BCHE: variants seen among roughly 807,000 people sequenced by gnomAD.
The protein encoded by BCHE is cholinesterase.
A neutral mutation model predicts 51.3 loss-of-function variants in BCHE; 48 were observed. The ratio of observed to expected loss-of-function variants is 0.94; its 90% CI spans 0.74 to 1.19. The LOEUF (loss-of-function observed/expected upper bound fraction) is 1.19. BCHE is among the 50% of genes most tolerant of loss of function. The pLI is 0.00. For missense variants in BCHE, 847 were observed against 708.2 expected, an observed-to-expected ratio of 1.20 and a Z score of -2.23; for synonymous variants, 251 against 238.0, an observed-to-expected ratio of 1.05 and a Z score of -0.50.
chr3:165,783,601 T>G (rs1712799834), intron 3 of BCHE, among the ~76,000 whole-genome samples: 1 of 152,086 alleles, frequency 6.6e-6, no homozygotes, highest in Non-Finnish European at 1.5e-5. Flanking sequence ...TGCTTTTTAG[T>G]GTTGGCAAGC....
Position 165,829,925 on chromosome 3 carries a change from T to C in BCHE, c.1109A>G (p.Asn370Ser), listed in dbSNP as rs763806377. The change falls in exon 2 of 4, where the codon AAT becomes AGT. Residue 370 changes from asparagine (N) to serine (S), a missense_variant. Asn to Ser is a conservative substitution (Grantham distance 46, BLOSUM62 1). Transcript: ENST00000264381. ...AAATTCTTTTCTAGTTATGATACTA[T>C]TGTTATCTTTGCTGAAGCCAGGAGC... Reference protein sequence around the residue: ...YGAPGFSKDNNSIITRKEFQE... With the variant: ...YGAPGFSKDNSSIITRKEFQE... 7 of 1,613,480 alleles carry C rather than the reference T, an allele frequency of 4.3e-6. No individual in the cohort carries two copies. The highest frequency in any genetic ancestry group is 1.7e-5 in the Admixed American group (1 of 59,818).
At chr3:165,786,056 T>C in intron 3 of BCHE, 89 bp downstream of exon 3, 2 of 1,368,574 alleles carry the variant, frequency 1.5e-6, no homozygotes, top group Admixed American at 1.7e-5. Context: ...ATATAGTAAC[T>C]CCATCACCGT....
Position 165,829,505 on chromosome 3 carries a change from A to C in BCHE, c.1517+12T>G. The C allele has an allele frequency of 1.2e-6, 2 of 1,606,034 alleles. No individual in the cohort carries two copies. Among genetic ancestry groups the C allele is most frequent in the Non-Finnish European group, 8.5e-7 (1 of 1,172,806 alleles). ...ACCAAGCCAGAGAACAATGACAAAA[A>C]TCAGCACTTACCCATATTTTGCAAA... On this transcript the variant is annotated intron_variant, in intron 2 of 3. Transcript: ENST00000264381.
chr3:165,792,381 A>C (rs531692555), intron 2 of BCHE, among the ~76,000 whole-genome samples: 2 of 152,326 alleles, frequency 1.3e-5, no homozygotes, highest in South Asian at 4.1e-4. Flanking sequence ...AGAATAAAAA[A>C]TCTTTGATTA....
Position 165,829,563 on chromosome 3 carries a change from A to G in BCHE, c.1471T>C (p.Leu491=). The G allele has an allele frequency of 6.2e-7, 1 of 1,613,790 alleles. No individual in the cohort carries two copies. Among genetic ancestry groups the G allele is most frequent in the East Asian group, 2.2e-5 (1 of 44,862 alleles). Residue 491 remains leucine, a synonymous_variant, in exon 2 of 4, where the codon TTG becomes CTG. Transcript: ENST00000264381. ...RDNYTKAEEI[L]SRSIVKRWAN... is the part of the protein sequence containing the mutation. Reference sequence around the variant, plus strand: ...CACCGTTTCACTATGGATCTACTCAAAATTTCCTCGGCTTTTGTGTAATTA... The same window carrying G: ...CACCGTTTCACTATGGATCTACTCAGAATTTCCTCGGCTTTTGTGTAATTA...
chr3:165,833,580 G>A (rs1459702439), intron 1 of BCHE, among the ~76,000 whole-genome samples: 2 of 152,108 alleles, frequency 1.3e-5, no homozygotes, highest in Non-Finnish European at 2.9e-5. Context: ...TTGTATGACT[G>A]TATCATAAAT....
At chr3:165,792,637 T>C (rs1713214161) in intron 2 of BCHE, among the ~76,000 whole-genome samples, 1 of 152,206 alleles carries the variant, frequency 6.6e-6, no homozygotes, top group African/African-American at 2.4e-5. Context: ...GAAATTATTT[T>C]GGTCAAAGGT....
At chr3:165,818,503 T>C (rs940039149) in intron 2 of BCHE, among the ~76,000 whole-genome samples, 2 of 152,082 alleles carry the variant, frequency 1.3e-5, no homozygotes, top group African/African-American at 4.8e-5. Context: ...TAAAGACAAA[T>C]GTTAGTTGTG....
At position 165,791,452 on chromosome 3, in the gene BCHE, C is replaced by A. The variant is rs534404492; in HGVS notation, c.1518-5141G>T. Among the ~76,000 whole-genome samples, 33 of 152,086 alleles carry A rather than the reference C, an allele frequency of 2.2e-4. 1 individual carries two copies. Among genetic ancestry groups the A allele is most frequent in the Non-Finnish European group, 4.1e-4 (28 of 68,018 alleles). ...AAGTGTTGGTTGCTTGAACTAGAGA[C>A]GTAGTGGCAGAAATTGAAATAATTA... On this transcript the variant is annotated intron_variant, in intron 2 of 3. Transcript: ENST00000264381.
At chr3:165,785,954 T>C (rs1274830347) in intron 3 of BCHE, among the ~76,000 whole-genome samples, 191 bp downstream of exon 3, 3 of 151,642 alleles carry the variant, frequency 2.0e-5, no homozygotes, top group Non-Finnish European at 3.0e-5. Flanking sequence ...ACTGGTCATA[T>C]AGTAAGAGTT....
chr3:165,817,795 G>A (rs1714367532), intron 2 of BCHE, among the ~76,000 whole-genome samples: 1 of 151,966 alleles, frequency 6.6e-6, no homozygotes, highest in African/African-American at 2.4e-5. Context: ...CATGCATCAA[G>A]CATTATTGAG....
intron 3 of BCHE, among the ~76,000 whole-genome samples, chr3:165,779,568 C>T (rs1712603643): frequency 6.6e-6 from 1 of 152,094 alleles, no homozygotes; most frequent in South Asian, 2.1e-4. Flanking sequence ...ATTCAGCAGT[C>T]TCAGTGTACA....
intron 2 of BCHE, among the ~76,000 whole-genome samples, chr3:165,793,152 T>C (rs1032907970): frequency 6.6e-6 from 1 of 152,246 alleles, no homozygotes; most frequent in African/African-American, 2.4e-5. Context: ...AGTAATTTTA[T>C]GGCTTTAGGT....
At chr3:165,788,449 A>C (rs1713043274) in intron 2 of BCHE, among the ~76,000 whole-genome samples, 1 of 152,066 alleles carries the variant, frequency 6.6e-6, no homozygotes. Context: ...ATTATTTGAG[A>C]GAGGTCAAGG....
chr3:165,818,799 A>C (rs544969125), intron 2 of BCHE, among the ~76,000 whole-genome samples: 4 of 152,258 alleles, frequency 2.6e-5, no homozygotes, highest in African/African-American at 4.8e-5. Flanking sequence ...ATCTACAATA[A>C]AATACATATA....
chr3:165,830,243 A>G lies in BCHE; in HGVS notation c.791T>C (p.Leu264Pro). 1 of 1,614,052 alleles carries G rather than the reference A, an allele frequency of 6.2e-7. No homozygotes were observed. Reference sequence around the variant, plus strand: ...CAACGTTCTGTTCCTAGCTTCATAAAGAGATGTTACCGCCCAAGGAGCATT... The same window carrying G: ...CAACGTTCTGTTCCTAGCTTCATAAGGAGATGTTACCGCCCAAGGAGCATT... ...SFNAPWAVTS[L>P]YEARNRTLNL... The change falls in exon 2 of 4, where the codon CTT becomes CCT. Residue 264 changes from leucine (L) to proline (P), a missense_variant. Transcript: ENST00000264381.
At chr3:165,806,151 T>C (rs1713856816) in intron 2 of BCHE, among the ~76,000 whole-genome samples, 1 of 152,154 alleles carries the variant, frequency 6.6e-6, no homozygotes, top group Admixed American at 6.5e-5. Flanking sequence ...AAAAAAAAGT[T>C]TTCACATGGT....
At chr3:165,831,066 T>G in intron 1 of BCHE, 25 bp from the exon 2 acceptor site, 1 of 1,559,852 alleles carries the variant, frequency 6.4e-7, no homozygotes, top group Non-Finnish European at 8.8e-7. Flanking sequence ...AGTATAATGT[T>G]TTATAAGCCT....
chr3:165,796,638 G>A (rs1020721033), intron 2 of BCHE, among the ~76,000 whole-genome samples: 1 of 152,024 alleles, frequency 6.6e-6, no homozygotes, highest in African/African-American at 2.4e-5. Context: ...ATTTCTAACT[G>A]GGAATCAAGT....
Sources: gnomAD v4.1 joint callset for allele counts (sites outside exome capture counted in the v4.1 genomes callset) on GRCh38, gnomAD v4.1.1 for gene constraint, MANE v1.5 for transcripts, NCBI Gene and HGNC (gene_info 2026-07-23, HGNC 2026-07-21) for gene names.